PTPRD: variants seen among roughly 807,000 people sequenced by gnomAD.
The protein encoded by PTPRD is protein tyrosine phosphatase receptor type D, also known as receptor-type tyrosine-protein phosphatase delta.
Under a neutral mutation model 214.5 loss-of-function variants are expected in PTPRD, and 34 were observed. That is an observed-to-expected ratio of 0.16 (90% CI 0.12 to 0.21). The LOEUF (loss-of-function observed/expected upper bound fraction) is 0.21. Among genes scored for constraint, PTPRD ranks in the 10% least tolerant of loss-of-function variants. The pLI is 1.00. For synonymous variants in PTPRD, 1,128 were observed against 845.7 expected, an observed-to-expected ratio of 1.33 and a Z score of -5.79; for missense variants, 2,545 against 2,398.7, an observed-to-expected ratio of 1.06 and a Z score of -1.27.
At chr9:8,869,397 T>C (rs2098254751) in intron 11 of PTPRD, among the ~76,000 whole-genome samples, 1 of 152,192 alleles carries the variant, frequency 6.6e-6, no homozygotes, top group Non-Finnish European at 1.5e-5. Context: ...TTAACATTTG[T>C]ATGGTACTTT....
intron 11 of PTPRD, among the ~76,000 whole-genome samples, chr9:8,756,614 G>C (rs533180513): frequency 1.3e-5 from 2 of 152,242 alleles, no homozygotes; most frequent in South Asian, 2.1e-4. Flanking sequence ...TTCTAACGTT[G>C]TTAGGGAATT....
At chr9:10,559,874 A>C (rs1188163102) in intron 2 of PTPRD, among the ~76,000 whole-genome samples, 1 of 152,106 alleles carries the variant, frequency 6.6e-6, no homozygotes, top group Non-Finnish European at 1.5e-5. Flanking sequence ...ATCTCACACC[A>C]GTTAGAATGG....
At chr9:9,862,007 G>C (rs777803721) in intron 5 of PTPRD, among the ~76,000 whole-genome samples, 13 of 152,104 alleles carry the variant, frequency 8.5e-5, no homozygotes, top group Non-Finnish European at 1.2e-4. Context: ...ATCACTGTCT[G>C]CATATATGTT....
chr9:9,129,587 A>G (rs1219833679), intron 10 of PTPRD, among the ~76,000 whole-genome samples: 6 of 152,136 alleles, frequency 3.9e-5, no homozygotes, highest in Non-Finnish European at 8.8e-5. Context: ...TACAAATTTT[A>G]TATCACTATA....
intron 3 of PTPRD, among the ~76,000 whole-genome samples, chr9:10,138,567 A>G (rs1208967493): frequency 6.6e-6 from 1 of 152,068 alleles, no homozygotes; most frequent in Non-Finnish European, 1.5e-5. Flanking sequence ...AATTCTATGA[A>G]GCCAACATCA....
At chr9:8,521,155 TAC>T in intron 20 of PTPRD, 120 bp downstream of exon 20, 1 of 1,166,680 alleles carries the variant, frequency 8.6e-7, no homozygotes, top group East Asian at 2.5e-5. Flanking sequence ...GATTAGGTTA[TAC>T]ACACATTTAA....
At chr9:8,697,724 T>C (rs986223856) in intron 12 of PTPRD, among the ~76,000 whole-genome samples, 7 of 152,014 alleles carry the variant, frequency 4.6e-5, no homozygotes, top group Non-Finnish European at 7.4e-5. Context: ...CGCCCAGGCC[T>C]GGATTTTTTT....
Position 9,603,842 on chromosome 9 carries a change from AT to A in PTPRD, c.-286-29062del, listed in dbSNP as rs33988009. Among the ~76,000 whole-genome samples, 660 of 149,808 alleles carry A rather than the reference AT, an allele frequency of 4.4e-3. 3 individuals are homozygous for A. Among genetic ancestry groups the A allele is most frequent in the East Asian group, 0.027 (135 of 5,070 alleles). ...GTAAGAGTAAAAATCTGTGAAATAC[AT>A]TTTTTTTTTTAACTTTTATTTTAGT... On this transcript the variant is annotated intron_variant, in intron 7 of 45. Coordinates refer to ENST00000381196, the MANE Select transcript of PTPRD (RefSeq NM_002839.4).
chr9:9,880,459 C>T (rs1167581113), intron 5 of PTPRD, among the ~76,000 whole-genome samples: 2 of 152,100 alleles, frequency 1.3e-5, no homozygotes, highest in Non-Finnish European at 2.9e-5. Context: ...CAGATATCAC[C>T]ATTATCACTG....
chr9:8,394,965 T>G (rs1180165365), intron 36 of PTPRD, among the ~76,000 whole-genome samples: 2 of 152,128 alleles, frequency 1.3e-5, no homozygotes, highest in African/African-American at 4.8e-5. Context: ...GAGGCAGTCT[T>G]GGAGGGAAGG....
intron 11 of PTPRD, among the ~76,000 whole-genome samples, chr9:8,923,048 T>G (rs1460867256): frequency 2.6e-5 from 4 of 151,616 alleles, no homozygotes; most frequent in Non-Finnish European, 4.4e-5. Flanking sequence ...TGTCTTTTTT[T>G]TTGTTGTTTT....
chr9:10,062,295 T>C (rs2097789212), intron 3 of PTPRD, among the ~76,000 whole-genome samples: 1 of 152,052 alleles, frequency 6.6e-6, no homozygotes. Flanking sequence ...AGCCTTTCTA[T>C]GGAGCATTTA....
rs752302993 is a variant in PTPRD, at chr9:8,332,475, G to T, written c.5380-739C>A. ...AACAAATGCCCTTTTCTGAAAAAGAGCTCTCCCTGGCTGACCACAGGAATT... is the reference window on the plus strand; with the variant it reads ...AACAAATGCCCTTTTCTGAAAAAGATCTCTCCCTGGCTGACCACAGGAATT... On this transcript the variant is annotated intron_variant, in intron 43 of 45. Coordinates refer to ENST00000381196, the MANE Select transcript of PTPRD (RefSeq NM_002839.4). Among the ~76,000 whole-genome samples, 33 of 152,124 alleles carry T rather than the reference G, an allele frequency of 2.2e-4. 1 individual carries two copies. Among genetic ancestry groups the T allele is most frequent in the Non-Finnish European group, 4.1e-4 (28 of 68,020 alleles).
At chr9:9,219,708 A>G (rs994861819) in intron 9 of PTPRD, among the ~76,000 whole-genome samples, 1 of 152,194 alleles carries the variant, frequency 6.6e-6, no homozygotes, top group African/African-American at 2.4e-5. Context: ...ATTGAGCACA[A>G]GTAAACCTTT....
chr9:10,010,611 T>C (rs185907151), intron 4 of PTPRD, among the ~76,000 whole-genome samples: 1 of 151,980 alleles, frequency 6.6e-6, no homozygotes, highest in Admixed American at 6.6e-5. Context: ...CTCAACTCAG[T>C]TAATGGTGGC....
intron 7 of PTPRD, among the ~76,000 whole-genome samples, chr9:9,710,380 G>C (rs1466323056): frequency 6.6e-6 from 1 of 151,924 alleles, no homozygotes; most frequent in Admixed American, 6.6e-5. Context: ...AATGGGAAAG[G>C]TGATTAAGAA....
intron 43 of PTPRD, among the ~76,000 whole-genome samples, chr9:8,333,448 C>CAAAT (rs1193848054): frequency 6.6e-6 from 1 of 152,134 alleles, no homozygotes; most frequent in African/African-American, 2.4e-5. Flanking sequence ...CATATCCAGC[C>CAAAT]AAATTAAGCT....
chr9:8,329,315 C>T (rs530922505), intron 44 of PTPRD, among the ~76,000 whole-genome samples: 60 of 152,200 alleles, frequency 3.9e-4, no homozygotes, highest in Admixed American at 1.6e-3. Flanking sequence ...CTATTCCAGA[C>T]GCTGTTTGCC....
At chr9:10,287,969 T>G (rs186862866) in intron 3 of PTPRD, among the ~76,000 whole-genome samples, 181 of 152,144 alleles carry the variant, frequency 1.2e-3, no homozygotes, top group Middle Eastern at 3.4e-3. Flanking sequence ...GATTTATGTT[T>G]TAAGAAGTTT....
Sources: gnomAD v4.1 joint callset for allele counts (sites outside exome capture counted in the v4.1 genomes callset) on GRCh38, gnomAD v4.1.1 for gene constraint, MANE v1.5 for transcripts, NCBI Gene and HGNC (gene_info 2026-07-23, HGNC 2026-07-21) for gene names.